The following NCOA1 variants were observed in gnomAD, a reference collection of about 807,000 sequenced individuals.
The protein encoded by NCOA1 is Hin-2 protein.
Under a neutral mutation model 150.9 loss-of-function variants are expected in NCOA1, and 35 were observed. The observed-to-expected ratio is 0.23, with a 90% confidence interval of 0.18 to 0.31. The LOEUF (loss-of-function observed/expected upper bound fraction) is 0.31. Among genes scored for constraint, NCOA1 ranks in the 10% least tolerant of loss-of-function variants. The probability of loss-of-function intolerance (pLI) is 1.00; values close to 1 mark genes in which losing one functional copy is unlikely to be tolerated. For synonymous variants in NCOA1, 590 were observed against 630.0 expected, an observed-to-expected ratio of 0.94 and a Z score of 0.95; for missense variants, 1,491 against 1,749.3, an observed-to-expected ratio of 0.85 and a Z score of 2.63.
chr2:24,569,447 A>G (rs570978731), intron 2 of NCOA1, among the ~76,000 whole-genome samples: 12 of 152,026 alleles, frequency 7.9e-5, no homozygotes, highest in African/African-American at 1.4e-4. Context: ...ATGAATTTCA[A>G]TGTTAAGGAT....
Position 24,527,350 on chromosome 2 carries a change from T to G in NCOA1, c.-396+35748T>G, listed in dbSNP as rs568670270. Among the ~76,000 whole-genome samples the G allele has an allele frequency of 5.3e-5, 8 of 152,314 alleles. No individual in the cohort carries two copies. In the East Asian group the frequency reaches 1.5e-3, roughly 29 times the overall value. On this transcript the variant is annotated intron_variant, in intron 1 of 22. Coordinates refer to ENST00000348332, the MANE Select transcript of NCOA1 (RefSeq NM_003743.5). ...CCAACCCTTGCCTCTGATGACTGTT[T>G]TATTCTCTCTCTCTGTACATTTGAC...
At chr2:24,759,109 A>C (rs545594749) in intron 21 of NCOA1, among the ~76,000 whole-genome samples, 9 of 152,240 alleles carry the variant, frequency 5.9e-5, no homozygotes, top group Non-Finnish European at 1.3e-4. Context: ...TTCAGTACTT[A>C]CTGTGTACAA....
Position 24,693,421 on chromosome 2 carries a change from A to G in NCOA1, c.808+74A>G, listed in dbSNP as rs1213811010. 4 of 1,267,806 alleles carry G rather than the reference A, an allele frequency of 3.2e-6. No homozygotes were observed. The East Asian group carries it at 9.3e-5, about 29-fold the overall frequency. The allele number at this position is 1,267,806 out of a possible 1,614,324, so 78.5% of individuals were successfully genotyped here. A position where few individuals can be genotyped will look rare whatever the true frequency, so the allele number is the denominator to read the frequency against. ...TCTGCCCTTAAAACTAATTATATCC[A>G]GAATGTCTTTCTGTTCTATGAGATT... On this transcript the variant is annotated intron_variant, in intron 10 of 22. Coordinates refer to ENST00000348332, the MANE Select transcript of NCOA1 (RefSeq NM_003743.5).
intron 3 of NCOA1, among the ~76,000 whole-genome samples, chr2:24,614,667 A>G (rs2148394036): frequency 6.6e-6 from 1 of 152,300 alleles, no homozygotes; most frequent in East Asian, 1.9e-4. Context: ...AACCACACCT[A>G]CATGTCAGAA....
intron 3 of NCOA1, among the ~76,000 whole-genome samples, chr2:24,587,060 G>C (rs1016527051): frequency 6.6e-6 from 1 of 151,272 alleles, no homozygotes; most frequent in Non-Finnish European, 1.5e-5. Flanking sequence ...CAGTAGTGCA[G>C]CTTCATAACA....
At chr2:24,768,165 C>T (rs368859474) in intron 22 of NCOA1, 56 bp from the exon 23 acceptor site, 10 of 1,613,682 alleles carry the variant, frequency 6.2e-6, no homozygotes, top group Non-Finnish European at 8.5e-6. Context: ...AGTACCCACT[C>T]ATAAGCCGGG....
chr2:24,606,549 A>G (rs1668378072), intron 3 of NCOA1, among the ~76,000 whole-genome samples: 1 of 152,142 alleles, frequency 6.6e-6, no homozygotes, highest in Admixed American at 6.5e-5. Context: ...ATACCTTCAT[A>G]ATGTTAAACT....
chr2:24,710,638 A>G (rs1438000190), intron 13 of NCOA1, among the ~76,000 whole-genome samples: 1 of 152,154 alleles, frequency 6.6e-6, no homozygotes, highest in Admixed American at 6.5e-5. Context: ...TTCCAGTCCA[A>G]TCTTTTTTTA....
chr2:24,700,082 G>T (rs955759023), intron 11 of NCOA1, among the ~76,000 whole-genome samples: 3 of 151,734 alleles, frequency 2.0e-5, no homozygotes, highest in African/African-American at 7.3e-5. Flanking sequence ...GGTGGAGGTT[G>T]CGGTGAGCCA....
At chr2:24,635,957 A>G (rs1020985610) in intron 3 of NCOA1, among the ~76,000 whole-genome samples, 13 of 152,316 alleles carry the variant, frequency 8.5e-5, no homozygotes, top group African/African-American at 2.9e-4. Context: ...GAACAATTCA[A>G]TTTGCTGACA....
intron 17 of NCOA1, 39 bp downstream of exon 17, chr2:24,729,854 T>C: frequency 6.8e-7 from 1 of 1,475,630 alleles, no homozygotes; most frequent in Non-Finnish European, 8.9e-7. Flanking sequence ...TTTTTTTTTT[T>C]TTGAGACGAA....
chr2:24,516,747 A>G (rs1011530775), intron 1 of NCOA1, among the ~76,000 whole-genome samples: 1 of 138,788 alleles, frequency 7.2e-6, no homozygotes, highest in Non-Finnish European at 1.6e-5. Flanking sequence ...TCTCTCTTAT[A>G]CCTCTGTTAC....
intron 15 of NCOA1, among the ~76,000 whole-genome samples, chr2:24,727,501 A>G (rs1376889496): frequency 6.6e-6 from 1 of 152,212 alleles, no homozygotes; most frequent in Non-Finnish European, 1.5e-5. Context: ...TACTCCCCGC[A>G]GGCAGCCATA....
chr2:24,698,728 AT>A (rs1442241805), intron 11 of NCOA1, among the ~76,000 whole-genome samples: 1 of 152,202 alleles, frequency 6.6e-6, no homozygotes, highest in African/African-American at 2.4e-5. Context: ...CTGAAAAACA[AT>A]TTAAAAATAT....
At chr2:24,516,382 C>T (rs1213948597) in intron 1 of NCOA1, among the ~76,000 whole-genome samples, 6 of 151,314 alleles carry the variant, frequency 4.0e-5, no homozygotes, top group Non-Finnish European at 5.9e-5. Flanking sequence ...TTAGTAGAGA[C>T]GGGGTTTCAC....
chr2:24,741,822 G>A lies in NCOA1; in HGVS notation c.3342G>A (p.Arg1114=), dbSNP rs1388495246. The A allele has an allele frequency of 6.2e-7, 1 of 1,613,914 alleles. No homozygotes were observed. The highest frequency in any genetic ancestry group is 1.7e-5 in the Admixed American group (1 of 59,986). Reference sequence around the variant, plus strand: ...CTCAAATGTTGGCACAACGTCAGCGGGAACTGTACAGTCAACAGCACCGAC... The same window carrying A: ...CTCAAATGTTGGCACAACGTCAGCGAGAACTGTACAGTCAACAGCACCGAC... ...LNAQMLAQRQ[R]ELYSQQHRQR... Residue 1114 remains arginine (R), a synonymous_variant, in exon 19 of 23, where the codon CGG becomes CGA. Coordinates refer to ENST00000348332, the MANE Select transcript of NCOA1 (RefSeq NM_003743.5).
At chr2:24,693,809 A>G (rs1672777059) in intron 10 of NCOA1, among the ~76,000 whole-genome samples, 1 of 151,886 alleles carries the variant, frequency 6.6e-6, no homozygotes, top group Non-Finnish European at 1.5e-5. Flanking sequence ...TCATTAGGTG[A>G]TTCCTCAAGA....
At chr2:24,750,654 G>C (rs1033724530) in intron 19 of NCOA1, among the ~76,000 whole-genome samples, 2 of 152,190 alleles carry the variant, frequency 1.3e-5, no homozygotes, top group Admixed American at 1.3e-4. Flanking sequence ...AAGTAGATCA[G>C]AGGTTACCTG....
chr2:24,751,864 A>G, intron 19 of NCOA1, 118 bp from the exon 20 acceptor site: 2 of 995,794 alleles, frequency 2.0e-6, no homozygotes, highest in Non-Finnish European at 2.9e-6. Context: ...GACACAAGAC[A>G]AGGCAAATAA....
Sources: allele counts gnomAD v4.1 joint callset (sites outside exome capture counted in the v4.1 genomes callset), GRCh38; gene constraint gnomAD v4.1.1; transcripts MANE v1.5; gene names NCBI Gene and HGNC (gene_info 2026-07-23, HGNC 2026-07-21).